The following MBD5 variants were observed in gnomAD, a reference collection of about 807,000 sequenced individuals.
The protein encoded by MBD5 is methyl-CpG-binding domain protein 5.
In MBD5, 13 loss-of-function variants were observed where a neutral mutation model predicts 117.3. That is an observed-to-expected ratio of 0.11 (90% CI 0.07 to 0.18). MBD5 has a LOEUF of 0.18. Among genes scored for constraint, MBD5 ranks in the 10% least tolerant of loss-of-function variants. The pLI, the probability that MBD5 is intolerant of heterozygous loss-of-function variation, is 1.00. For synonymous variants in MBD5, 727 were observed against 766.4 expected (o/e 0.95, Z 0.85); for missense variants, 1,879 against 2,093.8 (o/e 0.90, Z 2.00).
At position 148,255,864 on chromosome 2, in the gene MBD5, C is replaced by A. The variant is rs529186800; in HGVS notation, c.-680+22469C>A. The stretch of plus-strand genomic sequence containing the variant: ...GCACACGGAATCTCCACTTTATGTC[C>A]ATTTGTTATGCCAAGTGTTGTAGGT... On this transcript the variant is annotated intron_variant, in intron 3 of 13. Coordinates refer to ENST00000642680, the MANE Select transcript of MBD5 (RefSeq NM_001378120.1). 2.0e-4 allele frequency among the ~76,000 whole-genome samples: 31 copies of A among 152,336 alleles called. No individual in the cohort carries two copies. In the South Asian group the frequency reaches 6.2e-3, roughly 31 times the overall value.
chr2:148,339,543 G>A lies in MBD5; in HGVS notation c.-679-2671G>A, dbSNP rs572451789. ...GAACTCATCTCTCATTTTCACATGAGCTTCAGAACACATCATGCCTCCAGA... is the reference window on the plus strand; with the variant it reads ...GAACTCATCTCTCATTTTCACATGAACTTCAGAACACATCATGCCTCCAGA... On this transcript the variant is annotated intron_variant, in intron 3 of 13. Coordinates refer to ENST00000642680, the MANE Select transcript of MBD5 (RefSeq NM_001378120.1). Among the ~76,000 whole-genome samples, 3 of 152,166 alleles carry A rather than the reference G, an allele frequency of 2.0e-5. No individual in the cohort carries two copies. In the South Asian group the frequency reaches 6.2e-4, roughly 32 times the overall value.
intron 2 of MBD5, among the ~76,000 whole-genome samples, chr2:148,208,781 C>T (rs1198405660): frequency 6.6e-6 from 1 of 151,714 alleles, no homozygotes; most frequent in Non-Finnish European, 1.5e-5. Flanking sequence ...TCTTCAACTA[C>T]TTATTTTTTT....
chr2:148,291,354 C>A (rs1701497083), intron 3 of MBD5, among the ~76,000 whole-genome samples: 1 of 152,154 alleles, frequency 6.6e-6, no homozygotes, highest in Non-Finnish European at 1.5e-5. Flanking sequence ...TTTGTATTCA[C>A]TTAAGTCTTT....
intron 1 of MBD5, among the ~76,000 whole-genome samples, chr2:148,060,601 T>G (rs981305888): frequency 6.6e-6 from 1 of 152,204 alleles, no homozygotes; most frequent in Non-Finnish European, 1.5e-5. Context: ...TTGTTTTTAG[T>G]ATTCTTAAGA....
At chr2:148,182,486 A>G (rs1022481924) in intron 2 of MBD5, among the ~76,000 whole-genome samples, 4 of 152,206 alleles carry the variant, frequency 2.6e-5, no homozygotes, top group Non-Finnish European at 5.9e-5. Flanking sequence ...AGTTAAATGC[A>G]GTGTAATTTT....
intron 3 of MBD5, among the ~76,000 whole-genome samples, chr2:148,315,675 C>T (rs928835447): frequency 1.1e-4 from 17 of 152,178 alleles, no homozygotes; most frequent in Admixed American, 3.9e-4. Context: ...CATTAATCCT[C>T]TGATAAATCC....
At chr2:148,130,556 TAAAA>T (rs11402326) in intron 1 of MBD5, among the ~76,000 whole-genome samples, 1 of 149,120 alleles carries the variant, frequency 6.7e-6, no homozygotes. Context: ...TGTGTGATAT[TAAAA>T]AAAAAAAAAT....
intron 1 of MBD5, among the ~76,000 whole-genome samples, chr2:148,080,180 C>T (rs76035688): frequency 0.027 from 4,183 of 152,170 alleles, 156 homozygotes; most frequent in African/African-American, 0.079. Context: ...TTAATCTTTC[C>T]CTCAATTACA....
intron 1 of MBD5, among the ~76,000 whole-genome samples, chr2:148,158,889 T>A (rs1204903908): frequency 1.3e-5 from 2 of 152,156 alleles, no homozygotes; most frequent in Admixed American, 6.5e-5. Flanking sequence ...CTGGCTAATT[T>A]TTTTTGGTAT....
intron 2 of MBD5, among the ~76,000 whole-genome samples, chr2:148,188,702 A>C (rs1698736119): frequency 7.2e-6 from 1 of 138,724 alleles, no homozygotes; most frequent in African/African-American, 2.6e-5. Context: ...AAAAAAAAAA[A>C]ATCAATCATT....
chr2:148,034,349 G>A lies in MBD5; in HGVS notation c.-925+12665G>A, dbSNP rs116064623. On this transcript the variant is annotated intron_variant, in intron 1 of 13. Transcript: ENST00000642680. ...TTACAGCTTTCTACTGTTGTTTAGCGAAGCGTATTCCAAGGTCCTCTAGTT... is the reference window on the plus strand; with the variant it reads ...TTACAGCTTTCTACTGTTGTTTAGCAAAGCGTATTCCAAGGTCCTCTAGTT... Among the ~76,000 whole-genome samples, 1,126 of 152,220 alleles carry A rather than the reference G, an allele frequency of 7.4e-3. 22 individuals carry two copies. Among genetic ancestry groups the A allele is most frequent in the African/African-American group, 0.025 (1,046 of 41,524 alleles).
chr2:148,186,308 T>C (rs1278194478), intron 2 of MBD5, among the ~76,000 whole-genome samples: 2 of 152,214 alleles, frequency 1.3e-5, no homozygotes, highest in Non-Finnish European at 2.9e-5. Flanking sequence ...CTCTGGCTGA[T>C]TGTGAGGCCT....
chr2:148,301,303 A>G (rs1031906245), intron 3 of MBD5, among the ~76,000 whole-genome samples: 3 of 152,218 alleles, frequency 2.0e-5, no homozygotes, highest in Non-Finnish European at 4.4e-5. Flanking sequence ...GATAAAGTGA[A>G]GTAACTGGTG....
intron 4 of MBD5, among the ~76,000 whole-genome samples, chr2:148,376,276 T>C (rs1413844032): frequency 1.1e-4 from 16 of 149,964 alleles, no homozygotes; most frequent in Non-Finnish European, 8.9e-5. Flanking sequence ...TCTTTTCTTT[T>C]TTTTTTTTTG....
At chr2:148,341,883 G>A (rs1157462576) in intron 3 of MBD5, among the ~76,000 whole-genome samples, 1 of 151,802 alleles carries the variant, frequency 6.6e-6, no homozygotes, top group Non-Finnish European at 1.5e-5. Context: ...AATTAAATGA[G>A]ATATAAAGGA....
chr2:148,232,996 G>A (rs756649790), intron 2 of MBD5, among the ~76,000 whole-genome samples: 3 of 152,036 alleles, frequency 2.0e-5, no homozygotes, highest in African/African-American at 7.2e-5. Flanking sequence ...CTATAACGTT[G>A]TTTATTTAAC....
chr2:148,206,661 T>C (rs577707771), intron 2 of MBD5, among the ~76,000 whole-genome samples: 1 of 152,102 alleles, frequency 6.6e-6, no homozygotes, highest in Non-Finnish European at 1.5e-5. Flanking sequence ...TCTGACCAAA[T>C]CATAGAGCAC....
chr2:148,095,188 A>G (rs1696037118), intron 1 of MBD5, among the ~76,000 whole-genome samples: 1 of 152,202 alleles, frequency 6.6e-6, no homozygotes, highest in African/African-American at 2.4e-5. Context: ...CCTATTTAAC[A>G]GGTGGAAAAA....
rs753595652 is a variant in MBD5 at position 148,463,906 on chromosome 2, C to T, written c.384C>T (p.Pro128=). Residue 128 remains proline, a synonymous_variant, in exon 7 of 14, where the codon CCC becomes CCT. Transcript: ENST00000642680. ...ATCCTTCTCTGGTGCTCACCAGTCC[C>T]GGAGGAGGAACAAGTATGTAATATG... is the stretch of plus-strand genomic sequence containing the variant. The part of the protein sequence containing the change: ...APHPSLVLTS[P]GGGTNATPVV... 13 of 1,613,436 alleles carry T rather than the reference C, an allele frequency of 8.1e-6. No individual in the cohort carries two copies. Among genetic ancestry groups the T allele is most frequent in the South Asian group, 3.3e-5 (3 of 91,044 alleles).
Sources: gnomAD v4.1 joint callset for allele counts (sites outside exome capture counted in the v4.1 genomes callset) on GRCh38, gnomAD v4.1.1 for gene constraint, MANE v1.5 for transcripts, NCBI Gene and HGNC (gene_info 2026-07-23, HGNC 2026-07-21) for gene names.